Variants in ESRRG observed in about 807,000 individuals in gnomAD.
The protein encoded by ESRRG is estrogen-related receptor gamma.
Under a neutral mutation model 44.0 loss-of-function variants are expected in ESRRG, and 13 were observed. That is an observed-to-expected ratio of 0.30 (90% confidence interval 0.19 to 0.47). The LOEUF is 0.47. Among genes scored for constraint, ESRRG ranks in the 20% least tolerant of loss-of-function variants. ESRRG has a pLI of 1.00. For missense variants in ESRRG, 395 were observed against 580.6 expected (o/e 0.68, Z 3.29); for synonymous variants, 215 against 214.6 (o/e 1.00, Z -0.02).
intron 2 of ESRRG, among the ~76,000 whole-genome samples, chr1:216,656,565 G>T (rs944682962): frequency 2.0e-5 from 3 of 152,158 alleles, no homozygotes; most frequent in African/African-American, 7.2e-5. Context: ...TAAAACTCCA[G>T]CCTGGAGCGC....
At chr1:216,982,569 A>G (rs542896562) in intron 1 of ESRRG, among the ~76,000 whole-genome samples, 151 of 152,346 alleles carry the variant, frequency 9.9e-4, no homozygotes, top group Non-Finnish European at 1.8e-3. Flanking sequence ...CTATGGTTTT[A>G]TAAAACACCT....
intron 2 of ESRRG, among the ~76,000 whole-genome samples, chr1:216,930,890 G>T (rs2063250686): frequency 6.6e-6 from 1 of 152,140 alleles, no homozygotes; most frequent in Admixed American, 6.5e-5. Flanking sequence ...AACACACAAG[G>T]TTCCACAATG....
At chr1:217,110,247 A>G (rs2092646267) in intron 1 of ESRRG, among the ~76,000 whole-genome samples, 1 of 152,228 alleles carries the variant, frequency 6.6e-6, no homozygotes, top group Non-Finnish European at 1.5e-5. Context: ...CTAGTTAATC[A>G]GAGTGATATG....
chr1:216,896,695 T>A (rs2058463320), intron 2 of ESRRG, among the ~76,000 whole-genome samples: 1 of 152,198 alleles, frequency 6.6e-6, no homozygotes, highest in Non-Finnish European at 1.5e-5. Flanking sequence ...ACTTTCATGG[T>A]TGATTAGAGC....
chr1:216,939,364 A>AAAAAAAAAAAAAAAAAAAAAAAAAAAAC (rs1553720877), intron 2 of ESRRG, among the ~76,000 whole-genome samples: 3 of 133,730 alleles, frequency 2.2e-5, no homozygotes, highest in African/African-American at 6.2e-5. Flanking sequence ...AAAAAAAAAA[A>AAAAAAAAAAAAAAAAAAAAAAAAAAAAC]AAAAAACACT....
At chr1:216,837,012 C>A (rs867548718) in intron 2 of ESRRG, among the ~76,000 whole-genome samples, 1 of 151,990 alleles carries the variant, frequency 6.6e-6, no homozygotes, top group Non-Finnish European at 1.5e-5. Flanking sequence ...TAGTACTGGA[C>A]GGATCAAACA....
intron 6 of ESRRG, among the ~76,000 whole-genome samples, chr1:216,511,601 C>A (rs546427189): frequency 2.0e-4 from 23 of 112,430 alleles, no homozygotes; most frequent in African/African-American, 5.3e-4. Context: ...GTGTCTGCAT[C>A]CCCAGCTCCG....
intron 2 of ESRRG, among the ~76,000 whole-genome samples, chr1:216,882,941 A>T (rs2096466834): frequency 6.6e-6 from 1 of 152,142 alleles, no homozygotes; most frequent in Admixed American, 6.5e-5. Flanking sequence ...TCTGAAAAAA[A>T]AAAAATGCTC....
chr1:216,741,178 A>G (rs1439114409), intron 2 of ESRRG, among the ~76,000 whole-genome samples: 2 of 147,834 alleles, frequency 1.4e-5, no homozygotes, highest in East Asian at 1.9e-4. Context: ...GGTCAGGGTA[A>G]TTTATATTAT....
At chr1:216,715,213 A>G (rs1281585035) in intron 1 of ESRRG, 1 of 985,274 alleles carries the variant, frequency 1.0e-6, no homozygotes, top group Non-Finnish European at 1.2e-6. Context: ...CTGTGACACT[A>G]TGATCCCATG....
intron 1 of ESRRG, among the ~76,000 whole-genome samples, chr1:217,097,379 T>C (rs1408692252): frequency 6.6e-6 from 1 of 152,164 alleles, no homozygotes; most frequent in African/African-American, 2.4e-5. Flanking sequence ...AGTCTGTCAT[T>C]TCCCAATCAG....
At chr1:216,681,269 T>C (rs1411176213) in intron 1 of ESRRG, among the ~76,000 whole-genome samples, 1 of 152,174 alleles carries the variant, frequency 6.6e-6, no homozygotes, top group Non-Finnish European at 1.5e-5. Flanking sequence ...GAATAACCTT[T>C]AGTTTCTATA....
chr1:216,850,220 T>A (rs2095820213), intron 2 of ESRRG, among the ~76,000 whole-genome samples: 1 of 152,120 alleles, frequency 6.6e-6, no homozygotes, highest in African/African-American at 2.4e-5. Flanking sequence ...TTTGAATTAT[T>A]TCTTCAAAAG....
chr1:217,014,406 C>G (rs776027498), intron 1 of ESRRG, among the ~76,000 whole-genome samples: 1 of 152,100 alleles, frequency 6.6e-6, no homozygotes, highest in Admixed American at 6.6e-5. Flanking sequence ...TCTAACATAC[C>G]TATCAAAACC....
At chr1:216,627,644 A>G (rs1263160784) in intron 3 of ESRRG, among the ~76,000 whole-genome samples, 3 of 152,232 alleles carry the variant, frequency 2.0e-5, no homozygotes, top group African/African-American at 7.2e-5. Flanking sequence ...TTATGTGAAG[A>G]AAGTGGAAAC....
At chr1:216,768,558 T>G (rs376843036) in intron 2 of ESRRG, among the ~76,000 whole-genome samples, 4 of 152,020 alleles carry the variant, frequency 2.6e-5, no homozygotes, top group African/African-American at 4.8e-5. Context: ...AGCACAATCA[T>G]AGCTCACTGA....
intron 5 of ESRRG, among the ~76,000 whole-genome samples, chr1:216,560,503 T>C (rs748065004): frequency 3.3e-5 from 5 of 152,304 alleles, no homozygotes; most frequent in African/African-American, 4.8e-5. Flanking sequence ...TCAGCTAACA[T>C]GGGTTATGCT....
Position 216,939,343 on chromosome 1 carries a change from C to CAAAAAAAAAAAA in ESRRG, c.-14+227_-14+238dup, listed in dbSNP as rs201260010. Among the ~76,000 whole-genome samples the CAAAAAAAAAAAA allele has an allele frequency of 3.2e-3, 158 of 50,044 alleles. 17 individuals carry two copies. Among genetic ancestry groups the CAAAAAAAAAAAA allele is most frequent in the Middle Eastern group, 0.019 (1 of 54 alleles). The allele number at this position is 50,044 out of a possible 152,430, so 32.8% of individuals were successfully genotyped here. On this transcript the variant is annotated intron_variant, in intron 2 of 7. Coordinates refer to the ESRRG transcript ENST00000359162. ...TCTTCCAGAATATCCTACACATAGA[C>CAAAAAAAAAAAA]AAAAAAAAAAAAAAAAAAAAAAAAA... is the stretch of plus-strand genomic sequence containing the variant.
intron 2 of ESRRG, among the ~76,000 whole-genome samples, chr1:216,803,165 G>C (rs1268633945): frequency 1.3e-5 from 2 of 151,998 alleles, no homozygotes; most frequent in African/African-American, 2.4e-5. Flanking sequence ...GGGTGGATGT[G>C]GAGGGAACGG....
Sources: gnomAD v4.1 joint callset for allele counts (sites outside exome capture counted in the v4.1 genomes callset) on GRCh38, gnomAD v4.1.1 for gene constraint, MANE v1.5 for transcripts, NCBI Gene and HGNC (gene_info 2026-07-23, HGNC 2026-07-21) for gene names.